DROSHA: variants seen among roughly 807,000 people sequenced by gnomAD.
The protein encoded by DROSHA is ribonuclease 3.
A neutral mutation model predicts 181.9 loss-of-function variants in DROSHA; 56 were observed. That is an observed-to-expected ratio of 0.31 (90% CI 0.25 to 0.38). The LOEUF is 0.38. Ranked by LOEUF, DROSHA falls within the 10% of genes least tolerant of loss-of-function variation. DROSHA has a pLI of 1.00. For synonymous variants in DROSHA, 524 were observed against 591.2 expected (o/e 0.89, Z 1.65); for missense variants, 1,218 against 1,743.5 (o/e 0.70, Z 5.37).
intron 20 of DROSHA, among the ~76,000 whole-genome samples, chr5:31,463,352 A>G (rs1748619451): frequency 6.6e-6 from 1 of 152,188 alleles, no homozygotes; most frequent in East Asian, 1.9e-4. Context: ...CAATATAATA[A>G]TTAAAAGCCA....
intron 8 of DROSHA, among the ~76,000 whole-genome samples, chr5:31,513,912 A>T (rs1017618160): frequency 1.3e-5 from 2 of 152,166 alleles, no homozygotes; most frequent in African/African-American, 4.8e-5. Context: ...GGAAGAGGGG[A>T]AGAGAGAGCA....
Position 31,484,872 on chromosome 5 carries a change from A to G in DROSHA, c.1996+9T>C. On this transcript the variant is annotated intron_variant, in intron 15 of 35. Coordinates refer to ENST00000344624, the MANE Select transcript of DROSHA (RefSeq NM_001382508.1). ...AACACTACTCTCTTCTTTAAATCCT[A>G]TTACTTACCTTTAAGATTCCAGTCA... 1 of 1,517,646 alleles carries G rather than the reference A, an allele frequency of 6.6e-7. No homozygotes were observed. Among genetic ancestry groups the G allele is most frequent in the Non-Finnish European group, 8.9e-7 (1 of 1,120,302 alleles). The allele number at this position is 1,517,646 out of a possible 1,614,324, so 94.0% of individuals were successfully genotyped here.
chr5:31,508,894 C>T (rs1294483510), intron 9 of DROSHA, 119 bp from the exon 10 acceptor site: 1 of 1,162,314 alleles, frequency 8.6e-7, no homozygotes, highest in African/African-American at 1.6e-5. Flanking sequence ...GCGATCTCAG[C>T]TCACTGCAAA....
intron 26 of DROSHA, 111 bp from the exon 27 acceptor site, chr5:31,429,656 A>C (rs146937485): frequency 1.3e-6 from 1 of 769,700 alleles, no homozygotes; most frequent in Non-Finnish European, 2.1e-6. Flanking sequence ...CACAGAAAAC[A>C]AATCAACATG....
At chr5:31,435,604 A>T (rs903338012) in intron 25 of DROSHA, among the ~76,000 whole-genome samples, 161 bp downstream of exon 25, 13 of 152,240 alleles carry the variant, frequency 8.5e-5, no homozygotes, top group African/African-American at 3.1e-4. Context: ...AGAACTAATA[A>T]GACTGGATCC....
chr5:31,462,334 G>T (rs1355372948), intron 20 of DROSHA, among the ~76,000 whole-genome samples: 7 of 152,152 alleles, frequency 4.6e-5, no homozygotes, highest in Non-Finnish European at 1.0e-4. Flanking sequence ...ACAGATGGCA[G>T]TTCTCTCTGG....
In DROSHA at chr5:31,529,748, CA is replaced by C. The variant is rs60599492; in HGVS notation, c.-46-644del. 6.9e-3 allele frequency among the ~76,000 whole-genome samples: 865 copies of C among 125,872 alleles called. 14 individuals are homozygous for C. The highest frequency in any genetic ancestry group is 0.022 in the African/African-American group (716 of 33,036). The allele number at this position is 125,872 out of a possible 152,430, so 82.6% of individuals were successfully genotyped here. A position where few individuals can be genotyped will look rare whatever the true frequency, so the allele number is the denominator to read the frequency against. ...AAAAAAACAAACAAAAAAAAAAAAA[CA>C]AAAAAAAAAACAAACCATGTAGGCA... On this transcript the variant is annotated intron_variant, in intron 3 of 35. Coordinates refer to ENST00000344624, the MANE Select transcript of DROSHA (RefSeq NM_001382508.1).
intron 20 of DROSHA, among the ~76,000 whole-genome samples, chr5:31,455,052 A>G (rs1005292551): frequency 6.6e-6 from 1 of 152,058 alleles, no homozygotes; most frequent in Non-Finnish European, 1.5e-5. Flanking sequence ...TAAATATTAC[A>G]TAAATTCAGA....
At position 31,511,060 on chromosome 5, in the gene DROSHA, T is replaced by C. The variant is rs1391441627; in HGVS notation, c.1407A>G (p.Pro469=). 4 of 1,613,888 alleles carry C rather than the reference T, an allele frequency of 2.5e-6. No individual in the cohort carries two copies. Among genetic ancestry groups the C allele is most frequent in the Non-Finnish European group, 2.5e-6 (3 of 1,179,884 alleles). The change falls in exon 9 of 36, where the codon CCA becomes CCG. Residue 469 remains proline (P), a synonymous_variant. Transcript: ENST00000344624. The stretch of plus-strand genomic sequence containing the variant: ...CTAAATCTTCATCGAGCTTCGTCTT[T>C]GGAGGTTCCCACGGAGGCCGAGCAG... ...AKAARPPWEP[P]KTKLDEDLES...
chr5:31,487,021 C>T (rs1181455195), intron 13 of DROSHA, among the ~76,000 whole-genome samples: 1 of 152,120 alleles, frequency 6.6e-6, no homozygotes, highest in African/African-American at 2.4e-5. Flanking sequence ...CCATCTGGCT[C>T]TTAAGCAAAG....
chr5:31,434,275 C>A (rs2150004115), intron 25 of DROSHA, among the ~76,000 whole-genome samples: 1 of 152,316 alleles, frequency 6.6e-6, no homozygotes. Context: ...TTATGCCATT[C>A]CATTACATCC....
At chr5:31,429,768 A>C (rs1743941153) in intron 26 of DROSHA, among the ~76,000 whole-genome samples, 1 of 152,212 alleles carries the variant, frequency 6.6e-6, no homozygotes, top group African/African-American at 2.4e-5. Context: ...TAACATCTAA[A>C]TCTAATATTG....
intron 11 of DROSHA, among the ~76,000 whole-genome samples, chr5:31,502,243 G>C (rs900159881): frequency 2.6e-5 from 4 of 152,216 alleles, no homozygotes; most frequent in Admixed American, 6.5e-5. Context: ...TTCCAGGCTA[G>C]AGTACAAGCA....
At position 31,429,541 on chromosome 5, in the gene DROSHA, A is replaced by T. The variant is rs368428431; in HGVS notation, c.3150T>A (p.Ala1050=). The change falls in exon 27 of 36, where the codon GCT becomes GCA. Residue 1050 remains alanine, a synonymous_variant. Coordinates refer to ENST00000344624, the MANE Select transcript of DROSHA (RefSeq NM_001382508.1). ...MANCFEALIG[A]VYLEGSLEEA... ...CCTCCAGGCTTCCCTCCAAGTAAAC[A>T]GCTCCTAGATGAAAAACAGAGAATG... 1.2e-6 allele frequency: 2 copies of T among 1,611,492 alleles called. No individual in the cohort carries two copies. Among genetic ancestry groups the T allele is most frequent in the African/African-American group, 2.7e-5 (2 of 74,976 alleles).
chr5:31,477,502 T>C (rs1181889626), intron 16 of DROSHA, among the ~76,000 whole-genome samples: 1 of 152,264 alleles, frequency 6.6e-6, no homozygotes, highest in Non-Finnish European at 1.5e-5. Flanking sequence ...TACTAATAGA[T>C]GGTTTTGCAA....
At chr5:31,407,676 A>G (rs1315789051) in intron 33 of DROSHA, among the ~76,000 whole-genome samples, 1 of 152,234 alleles carries the variant, frequency 6.6e-6, no homozygotes, top group Non-Finnish European at 1.5e-5. Context: ...GATCTTGATA[A>G]AATGAGCAAA....
In DROSHA at chr5:31,497,519, G is replaced by A. The variant is rs147890019; in HGVS notation, c.1669-2147C>T. Among the ~76,000 whole-genome samples the A allele has an allele frequency of 3.6e-3, 549 of 152,308 alleles. 2 individuals carry two copies. Among genetic ancestry groups the A allele is most frequent in the African/African-American group, 0.012 (518 of 41,574 alleles). On this transcript the variant is annotated intron_variant, in intron 11 of 35. Coordinates refer to ENST00000344624, the MANE Select transcript of DROSHA (RefSeq NM_001382508.1). ...TGGAAGGATCTTAAGAATAATTTTG[G>A]CATGTGCCTGGTGGCAATTTCCATA...
At position 31,406,955 on chromosome 5, in the gene DROSHA, A is replaced by G; in HGVS notation, c.3855-10T>C. 1 of 1,610,484 alleles carries G rather than the reference A, an allele frequency of 6.2e-7. No homozygotes were observed. Among genetic ancestry groups the G allele is most frequent in the Non-Finnish European group, 8.5e-7 (1 of 1,177,356 alleles). ...CACTGTCTGCAGAGTCCTGAAAGGG[A>G]AAGGAAAGAACATTTATTATGGTAA... is the stretch of plus-strand genomic sequence containing the variant. On this transcript the variant is annotated splice_polypyrimidine_tract_variant and intron_variant, in intron 33 of 35. Transcript: ENST00000344624.
chr5:31,437,826 C>T (rs1446525425), intron 23 of DROSHA, among the ~76,000 whole-genome samples: 1 of 152,136 alleles, frequency 6.6e-6, no homozygotes. Flanking sequence ...TCCAAAACTG[C>T]CTGGCACTCT....
Sources: allele counts gnomAD v4.1 joint callset (sites outside exome capture counted in the v4.1 genomes callset), GRCh38; gene constraint gnomAD v4.1.1; transcripts MANE v1.5; gene names NCBI Gene and HGNC (gene_info 2026-07-23, HGNC 2026-07-21).